CATSPERT: variants seen among roughly 807,000 people sequenced by gnomAD.
CATSPERT encodes the protein catsper channel auxiliary subunit tau, also known as cation channel sperm-associated targeting subunit tau.
the CATSPERT span, chr2:201,491,610 G>C: frequency 1.3e-6 from 2 of 1,537,062 alleles, no homozygotes. Flanking sequence ...GAGTTAAAGT[G>C]CTACTTTGCC....
chr2:201,510,549 T>TCA, the CATSPERT span, among the ~76,000 whole-genome samples: 1 of 152,202 alleles, frequency 6.6e-6, no homozygotes, highest in Non-Finnish European at 1.5e-5. Context: ...TCAAGACTGC[T>TCA]AACCACACTA....
chr2:201,492,716 T>C, the CATSPERT span: 2 of 1,535,482 alleles, frequency 1.3e-6, no homozygotes, highest in African/African-American at 1.4e-5. Context: ...ACAAAAGACA[T>C]GATTTCTTTC....
chr2:201,489,527 A>G, the CATSPERT span, among the ~76,000 whole-genome samples: 3 of 152,216 alleles, frequency 2.0e-5, no homozygotes, highest in Non-Finnish European at 2.9e-5. Flanking sequence ...ATTTAGCTGT[A>G]TAATATATAG....
the CATSPERT span, among the ~76,000 whole-genome samples, chr2:201,551,202 A>G: frequency 6.6e-6 from 1 of 152,224 alleles, no homozygotes; most frequent in Admixed American, 6.5e-5. Context: ...AAAATGTTTC[A>G]GTTAGTATAT....
the CATSPERT span, among the ~76,000 whole-genome samples, chr2:201,606,823 C>T: frequency 3.3e-4 from 50 of 150,776 alleles, no homozygotes; most frequent in African/African-American, 1.0e-3. Context: ...CCCTTCAACC[C>T]GGAAGGTGGA....
the CATSPERT span, chr2:201,534,935 G>A: frequency 2.3e-6 from 1 of 425,852 alleles, no homozygotes; most frequent in African/African-American, 2.1e-5. Flanking sequence ...TGTCTATTTT[G>A]ATTCAAGCTT....
At chr2:201,566,447 C>T in the CATSPERT span, among the ~76,000 whole-genome samples, 1 of 147,758 alleles carries the variant, frequency 6.8e-6, no homozygotes, top group Non-Finnish European at 1.5e-5. Flanking sequence ...TGAGTGACAA[C>T]ATGCAGTGTT....
chr2:201,610,213 G>A, the CATSPERT span, among the ~76,000 whole-genome samples: 2 of 152,104 alleles, frequency 1.3e-5, no homozygotes, highest in African/African-American at 4.8e-5. Context: ...CCAGCACTTC[G>A]GGAGGCTGAG....
the CATSPERT span, among the ~76,000 whole-genome samples, chr2:201,502,248 T>C: frequency 7.2e-5 from 11 of 152,314 alleles, no homozygotes; most frequent in East Asian, 2.1e-3. Flanking sequence ...TATAAAGATG[T>C]CACTCCATAG....
chr2:201,557,674 A>G, the CATSPERT span: 1 of 152,214 alleles, frequency 6.6e-6, no homozygotes, highest in Non-Finnish European at 1.5e-5. Flanking sequence ...ACTCATAGAA[A>G]ACAACAAAAC....
chr2:201,521,860 T>C, the CATSPERT span, among the ~76,000 whole-genome samples: 1 of 152,102 alleles, frequency 6.6e-6, no homozygotes. Context: ...ACATGATACA[T>C]CATATAAACA....
chr2:201,540,108 C>T, the CATSPERT span, among the ~76,000 whole-genome samples: 3 of 152,146 alleles, frequency 2.0e-5, no homozygotes, highest in Admixed American at 2.0e-4. Context: ...CTCTTCAATC[C>T]AATGAAAGCT....
the CATSPERT span, chr2:201,493,307 G>C: frequency 1.3e-6 from 2 of 1,536,466 alleles, no homozygotes; most frequent in East Asian, 4.9e-5. Context: ...AACATATTTT[G>C]GTCTTCCTGT....
chr2:201,535,507 GT>G, the CATSPERT span: 1 of 920,404 alleles, frequency 1.1e-6, no homozygotes, highest in Non-Finnish European at 1.3e-6. Flanking sequence ...TAATATAATA[GT>G]TTTATTAAGA....
At chr2:201,583,325 GA>G in the CATSPERT span, among the ~76,000 whole-genome samples, 1 of 152,196 alleles carries the variant, frequency 6.6e-6, no homozygotes, top group Non-Finnish European at 1.5e-5. Context: ...CGGCTTCAGT[GA>G]ATGGAGAACC....
At chr2:201,523,482 A>G in the CATSPERT span, among the ~76,000 whole-genome samples, 1 of 152,196 alleles carries the variant, frequency 6.6e-6, no homozygotes, top group Admixed American at 6.5e-5. Flanking sequence ...ATACAAAAGC[A>G]AGAAGCCCCA....
At chr2:201,496,027 A>G in the CATSPERT span, 1 of 1,158,400 alleles carries the variant, frequency 8.6e-7, no homozygotes, top group Non-Finnish European at 1.2e-6. Flanking sequence ...TATCAAGATC[A>G]TTTTATTCTT....
the CATSPERT span, among the ~76,000 whole-genome samples, chr2:201,523,208 C>T: frequency 8.5e-5 from 13 of 152,182 alleles, no homozygotes; most frequent in Non-Finnish European, 1.5e-4. Context: ...ACCCCACTGA[C>T]GTCACTCCAA....
At chr2:201,515,223 T>TAG in the CATSPERT span, among the ~76,000 whole-genome samples, 16 of 64,088 alleles carry the variant, frequency 2.5e-4, 4 homozygotes, top group African/African-American at 1.1e-3. Flanking sequence ...TTTTTTTTTT[T>TAG]TTTTTTTTTT....
Sources: allele counts gnomAD v4.1 joint callset (sites outside exome capture counted in the v4.1 genomes callset), GRCh38; gene constraint gnomAD v4.1.1; transcripts MANE v1.5; gene names NCBI Gene and HGNC (gene_info 2026-07-23, HGNC 2026-07-21).